CSTB: variants seen among roughly 807,000 people sequenced by gnomAD.
CSTB encodes the protein cystatin-B.
CSTB carries 8 observed loss-of-function variants against 7.6 expected under a neutral mutation model. The observed-to-expected ratio is 1.05, with a 90% confidence interval of 0.62 to 1.89. CSTB has a LOEUF of 1.89. Among genes scored for constraint, CSTB ranks in the 40% most tolerant of loss-of-function variants. The probability of loss-of-function intolerance (pLI) is 0.00; values close to 1 mark genes in which losing one functional copy is unlikely to be tolerated. For synonymous variants in CSTB, 56 were observed against 55.3 expected (o/e 1.01, Z -0.06); for missense variants, 124 against 126.4 (o/e 0.98, Z 0.09).
intron 1 of CSTB, chr21:43,775,238 AC>A: frequency 8.1e-6 from 2 of 247,176 alleles, no homozygotes; most frequent in Non-Finnish European, 1.6e-5. Flanking sequence ...AAAAAAAAAA[AC>A]ACAGGCCTCA....
chr21:43,774,949 T>C, intron 1 of CSTB, 190 bp from the exon 2 acceptor site: 1 of 643,670 alleles, frequency 1.6e-6, no homozygotes, highest in South Asian at 1.7e-5. Context: ...TCCAGCTGGG[T>C]ACGGTGGCTC....
intron 1 of CSTB, 170 bp downstream of exon 1, chr21:43,776,034 C>G (rs6372): frequency 1.8e-6 from 1 of 544,180 alleles, no homozygotes; most frequent in Admixed American, 4.3e-5. Flanking sequence ...CCCCCCGCTG[C>G]TCACTCGCGC....
In CSTB at chr21:43,774,713, A is replaced by C. The variant is rs1365612504; in HGVS notation, c.113T>G (p.Phe38Cys). 6.2e-7 allele frequency: 1 copy of C among 1,614,084 alleles called. No homozygotes were observed. The highest frequency in any genetic ancestry group is 1.3e-5 in the African/African-American group (1 of 74,930). Residue 38 changes from phenylalanine to cysteine, a missense_variant, in exon 2 of 3, where the codon TTT becomes TGT. Transcript: ENST00000291568. The stretch of plus-strand genomic sequence containing the variant: ...CTGGCTCTTGAATGACACGGCCTTA[A>C]ACACAGGGAACTTCTTGTTTTCTTT... The part of the protein sequence containing the change: ...EEKENKKFPV[F>C]KAVSFKSQVV...
rs200236513 is a variant in CSTB, at chr21:43,774,669, A to G, written c.157T>C (p.Tyr53His). Residue 53 changes from tyrosine to histidine, a missense_variant, in exon 2 of 3, where the codon TAC (tyrosine) becomes CAC (histidine). Tyr to His is a moderately conservative substitution (Grantham distance 83). Coordinates refer to ENST00000291568, the MANE Select transcript of CSTB (RefSeq NM_000100.4). Reference protein sequence around the residue: ...FKSQVVAGTNYFIKVHVGDED... With the variant: ...FKSQVVAGTNHFIKVHVGDED... ...GGCCCACACTCTACCTTGATGAAGTAGTTTGTCCCCGCGACCACCTGGCTC... is the reference window on the plus strand; with the variant it reads ...GGCCCACACTCTACCTTGATGAAGTGGTTTGTCCCCGCGACCACCTGGCTC... The G allele has an allele frequency of 6.2e-7, 1 of 1,613,596 alleles. No individual in the cohort carries two copies. Among genetic ancestry groups the G allele is most frequent in the African/African-American group, 1.3e-5 (1 of 75,020 alleles).
At chr21:43,774,630 G>T in intron 2 of CSTB, 28 bp downstream of exon 2, 1 of 1,579,250 alleles carries the variant, frequency 6.3e-7, no homozygotes, top group Non-Finnish European at 8.7e-7. Context: ...CCCGTTCGGG[G>T]CAGGCCCTCC....
chr21:43,775,050 C>A, intron 1 of CSTB: 1 of 442,116 alleles, frequency 2.3e-6, no homozygotes, highest in Non-Finnish European at 4.2e-6. Context: ...TGGCAAAACC[C>A]CGTTTCTACT....
At chr21:43,775,900 C>T (rs1184342568) in intron 1 of CSTB, 1 of 340,128 alleles carries the variant, frequency 2.9e-6, no homozygotes, top group Non-Finnish European at 5.3e-6. Flanking sequence ...GCGCCTCATC[C>T]CTGGGGTTTC....
rs1012720999 is a variant in CSTB at position 43,776,292 on chromosome 21, T to A, written c.-23A>T. On this transcript the variant is annotated 5_prime_UTR_variant, in exon 1 of 3. Coordinates refer to ENST00000291568, the MANE Select transcript of CSTB (RefSeq NM_000100.4). ...CATCTTGGCGGCGACGGAGGGAATC[T>A]GGCGAGGGGACTCGGCGAGGGGACG... The A allele has an allele frequency of 6.6e-6, 10 of 1,525,706 alleles. No individual in the cohort carries two copies. Among genetic ancestry groups the A allele is most frequent in the Non-Finnish European group, 7.9e-6 (9 of 1,138,334 alleles). The allele number at this position is 1,525,706 out of a possible 1,614,324, so 94.5% of individuals were successfully genotyped here.
intron 2 of CSTB, 123 bp downstream of exon 2, chr21:43,774,535 A>C: frequency 8.9e-7 from 1 of 1,123,304 alleles, no homozygotes; most frequent in Non-Finnish European, 1.3e-6. Flanking sequence ...ACACAGTAGG[A>C]TGCTTATCTC....
chr21:43,775,091 C>T (rs1163213592), intron 1 of CSTB: 2 of 366,774 alleles, frequency 5.5e-6, no homozygotes, highest in Non-Finnish European at 1.1e-5. Flanking sequence ...GGCGTGGTGG[C>T]GAGCACCTGC....
chr21:43,774,866 T>G, intron 1 of CSTB, 107 bp from the exon 2 acceptor site: 1 of 803,490 alleles, frequency 1.2e-6, no homozygotes, highest in Admixed American at 1.8e-5. Context: ...ACACTGGCTC[T>G]TCACACAATT....
chr21:43,774,630 G>A (rs777111664), intron 2 of CSTB, 28 bp downstream of exon 2: 5 of 1,579,254 alleles, frequency 3.2e-6, no homozygotes, highest in Non-Finnish European at 4.4e-6. Context: ...CCCGTTCGGG[G>A]CAGGCCCTCC....
chr21:43,775,010 G>A lies in CSTB; in HGVS notation c.67-251C>T, dbSNP rs537475177. The A allele has an allele frequency of 3.9e-4, 205 of 531,082 alleles. 2 individuals are homozygous for A. Among genetic ancestry groups the A allele is most frequent in the South Asian group, 2.7e-3 (135 of 49,474 alleles). The allele number at this position is 531,082 out of a possible 1,614,324, so 32.9% of individuals were successfully genotyped here. On this transcript the variant is annotated intron_variant, in intron 1 of 2. Coordinates refer to ENST00000291568, the MANE Select transcript of CSTB (RefSeq NM_000100.4). ...AGGCTGAGGTGGGCGGATCACTTGA[G>A]GTCAGGAGTTTGAGACCAGCCTAGC... is the stretch of plus-strand genomic sequence containing the variant.
intron 2 of CSTB, 97 bp from the exon 3 acceptor site, chr21:43,774,427 C>T (rs745798430): frequency 2.9e-5 from 46 of 1,585,492 alleles, no homozygotes; most frequent in Middle Eastern, 1.9e-4. Context: ...ATCTTGTCTT[C>T]TCCTGCATGT....
chr21:43,774,312 C>G lies in CSTB; in HGVS notation c.187G>C (p.Asp63His), dbSNP rs747824864. The G allele has an allele frequency of 1.2e-6, 2 of 1,614,200 alleles. No homozygotes were observed. The highest frequency in any genetic ancestry group is 4.5e-5 in the East Asian group (2 of 44,888). ...YFIKVHVGDE[D>H]FVHLRVFQSL... ...TGGAACACTCGCAGGTGTACGAAGT[C>G]CTCGTCGCCGACGTGCACCTGGGAA... Residue 63 changes from aspartate (D) to histidine (H), a missense_variant, in exon 3 of 3, where the codon GAC (aspartate) becomes CAC (histidine). Coordinates refer to ENST00000291568, the MANE Select transcript of CSTB (RefSeq NM_000100.4).
intron 2 of CSTB, 164 bp from the exon 3 acceptor site, chr21:43,774,494 G>T: frequency 8.2e-7 from 1 of 1,226,264 alleles, no homozygotes; most frequent in Non-Finnish European, 1.2e-6. Flanking sequence ...CTCCCCAGAA[G>T]CCCTAGTCCT....
At chr21:43,775,282 C>T in intron 1 of CSTB, 1 of 207,294 alleles carries the variant, frequency 4.8e-6, no homozygotes, top group South Asian at 7.2e-5. Context: ...CTTGGGGCAT[C>T]CCGTCGGTCA....
chr21:43,774,139 C>G lies in CSTB; in HGVS notation c.*63G>C. The G allele has an allele frequency of 6.2e-7, 1 of 1,611,778 alleles. No homozygotes were observed. Among genetic ancestry groups the G allele is most frequent in the Non-Finnish European group, 8.5e-7 (1 of 1,177,998 alleles). ...CTTATTTTAGGATCACAAGTGCACG[C>G]TCTGGTAGACGGAGGATGACTTTGT... On this transcript the variant is annotated 3_prime_UTR_variant, in exon 3 of 3. Coordinates refer to ENST00000291568, the MANE Select transcript of CSTB (RefSeq NM_000100.4).
At chr21:43,774,444 G>A (rs564573802) in intron 2 of CSTB, 114 bp from the exon 3 acceptor site, 275 of 1,523,630 alleles carry the variant, frequency 1.8e-4, no homozygotes, top group Non-Finnish European at 2.2e-4. Context: ...ATGTGCAGGG[G>A]ATGCCTCACA....
Sources: allele counts gnomAD v4.1 joint callset, GRCh38; gene constraint gnomAD v4.1.1; transcripts MANE v1.5; gene names NCBI Gene and HGNC (gene_info 2026-07-23, HGNC 2026-07-21).